The following PRKN variants were observed in gnomAD, a reference collection of about 807,000 sequenced individuals.
PRKN encodes the protein parkin RBR E3 ubiquitin protein ligase, also known as E3 ubiquitin-protein ligase parkin.
Under a neutral mutation model 59.5 loss-of-function variants are expected in PRKN, and 56 were observed. The ratio of observed to expected loss-of-function variants is 0.94; its 90% CI spans 0.76 to 1.18. PRKN has a LOEUF of 1.18. Among genes scored for constraint, PRKN ranks in the 50% most tolerant of loss-of-function variants. The probability of loss-of-function intolerance (pLI) is 0.00; values close to 1 mark genes in which losing one functional copy is unlikely to be tolerated. For synonymous variants in PRKN, 250 were observed against 222.1 expected (o/e 1.13, Z -1.12); for missense variants, 657 against 596.4 (o/e 1.10, Z -1.06).
At chr6:161,739,283 A>G (rs1244142971) in intron 7 of PRKN, among the ~76,000 whole-genome samples, 1 of 152,092 alleles carries the variant, frequency 6.6e-6, no homozygotes, top group Non-Finnish European at 1.5e-5. Context: ...TGGCGTATGC[A>G]TGTAATCCCA....
chr6:161,851,948 G>A (rs1284247823), intron 6 of PRKN, among the ~76,000 whole-genome samples: 3 of 151,654 alleles, frequency 2.0e-5, no homozygotes, highest in African/African-American at 4.8e-5. Flanking sequence ...TTAGCCGGGC[G>A]TGGTAGCACA....
At chr6:162,409,403 A>G (rs547160419) in intron 2 of PRKN, among the ~76,000 whole-genome samples, 15 of 152,054 alleles carry the variant, frequency 9.9e-5, no homozygotes, top group African/African-American at 3.4e-4. Flanking sequence ...GTGATCATCC[A>G]GCCTTGGCCT....
Position 161,858,858 on chromosome 6 carries a change from C to T in PRKN, c.735-72950G>A, listed in dbSNP as rs372203000. 3.5e-3 allele frequency among the ~76,000 whole-genome samples: 254 copies of T among 71,886 alleles called. 1 individual carries two copies. The highest frequency in any genetic ancestry group is 5.0e-3 in the South Asian group (8 of 1,586). 47.2% of individuals were successfully genotyped at this position (71,886 alleles called of 152,430 possible). ...CTTTCAATTAACTAGCACAGCTGTA[C>T]TTTTTTTTTTTTTTTTTTTTGAGAC... On this transcript the variant is annotated intron_variant, in intron 6 of 11. Transcript: ENST00000366898.
rs879558134 is a variant in PRKN at position 161,503,373 on chromosome 6, T to C, written c.1083+45481A>G. On this transcript the variant is annotated intron_variant, in intron 9 of 11. Transcript: ENST00000366898. The surrounding 1 kb of genome is among the most constrained non-coding windows in gnomAD (Gnocchi z 5.1). ...ATGAACTTCTGTTTGCTGCACACTG[T>C]GCTCTTTCTGTGGGTTATTCAGGTC... is the stretch of plus-strand genomic sequence containing the variant. Among the ~76,000 whole-genome samples the C allele has an allele frequency of 5.9e-5, 9 of 152,206 alleles. No individual in the cohort carries two copies. The highest frequency in any genetic ancestry group is 1.2e-4 in the Non-Finnish European group (8 of 68,034).
At chr6:161,659,764 A>C (rs1008850561) in intron 7 of PRKN, among the ~76,000 whole-genome samples, 1 of 152,114 alleles carries the variant, frequency 6.6e-6, no homozygotes, top group African/African-American at 2.4e-5. Context: ...GATCTTGGCA[A>C]GTTATGAATG....
chr6:162,411,678 T>C (rs951932546), intron 2 of PRKN, among the ~76,000 whole-genome samples: 1 of 152,182 alleles, frequency 6.6e-6, no homozygotes, highest in Admixed American at 6.5e-5. Context: ...AGGTTTTTCT[T>C]TGAATATAGT....
In PRKN at chr6:161,363,116, C is replaced by A. The variant is rs998002323; in HGVS notation, c.1168-2911G>T. 2.0e-5 allele frequency among the ~76,000 whole-genome samples: 3 copies of A among 152,132 alleles called. No individual in the cohort carries two copies. Among genetic ancestry groups the A allele is most frequent in the Non-Finnish European group, 2.9e-5 (2 of 68,028 alleles). On this transcript the variant is annotated intron_variant, in intron 10 of 11. Transcript: ENST00000366898. The surrounding 1 kb of genome is among the most constrained non-coding windows in gnomAD (Gnocchi z 4.1). Reference sequence around the variant, plus strand: ...GATTAGCCAAGCGTGGTGGTGTGCACCTGTAGTCCCAGGTACTTGGGAGGC... The same window carrying A: ...GATTAGCCAAGCGTGGTGGTGTGCAACTGTAGTCCCAGGTACTTGGGAGGC...
chr6:162,694,075 G>C (rs908035605), intron 1 of PRKN, among the ~76,000 whole-genome samples: 1 of 151,874 alleles, frequency 6.6e-6, no homozygotes, highest in Non-Finnish European at 1.5e-5. Flanking sequence ...GTGAAACCCC[G>C]TATCTACTAA....
intron 2 of PRKN, among the ~76,000 whole-genome samples, chr6:162,428,456 G>A (rs1200126490): frequency 6.6e-6 from 1 of 152,104 alleles, no homozygotes; most frequent in African/African-American, 2.4e-5. Flanking sequence ...ACTGGAGATC[G>A]CCACCTAAAA....
At chr6:161,926,001 A>C (rs927082039) in intron 6 of PRKN, among the ~76,000 whole-genome samples, 1 of 152,202 alleles carries the variant, frequency 6.6e-6, no homozygotes, top group Non-Finnish European at 1.5e-5. Context: ...GAGCTGAGAG[A>C]GGTCAAATAG....
chr6:162,065,091 A>C (rs917824385), intron 4 of PRKN, among the ~76,000 whole-genome samples: 1 of 152,232 alleles, frequency 6.6e-6, no homozygotes, highest in African/African-American at 2.4e-5. Flanking sequence ...AAGGGAGTTT[A>C]TTAGGGAGAA....
chr6:161,646,714 T>C (rs1453529542), intron 7 of PRKN, among the ~76,000 whole-genome samples: 2 of 152,174 alleles, frequency 1.3e-5, no homozygotes, highest in Admixed American at 6.5e-5. Context: ...TCCTAAGCCA[T>C]GGATGCATTT....
intron 6 of PRKN, among the ~76,000 whole-genome samples, chr6:161,917,511 A>C (rs977692274): frequency 1.1e-4 from 16 of 152,170 alleles, no homozygotes; most frequent in Non-Finnish European, 2.1e-4. Context: ...TATTTGTGGT[A>C]GTAATAAGGT....
chr6:162,711,527 A>C (rs543236988), intron 1 of PRKN, among the ~76,000 whole-genome samples: 36 of 152,014 alleles, frequency 2.4e-4, no homozygotes, highest in African/African-American at 8.2e-4. Flanking sequence ...CCTTCCCCTC[A>C]GACCTGTGCA....
intron 1 of PRKN, among the ~76,000 whole-genome samples, chr6:162,610,014 C>A (rs549942825): frequency 2.0e-5 from 3 of 152,236 alleles, no homozygotes; most frequent in East Asian, 3.9e-4. Flanking sequence ...AAAATTCTTA[C>A]CATTTCATGT....
At chr6:161,668,947 T>C (rs1276168144) in intron 7 of PRKN, among the ~76,000 whole-genome samples, 1 of 152,178 alleles carries the variant, frequency 6.6e-6, no homozygotes, top group Non-Finnish European at 1.5e-5. Context: ...ATGGTCTGCA[T>C]GTTTGTGACC....
chr6:161,379,208 T>C lies in PRKN; in HGVS notation c.1167+7586A>G, dbSNP rs140667123. On this transcript the variant is annotated intron_variant, in intron 10 of 11. Coordinates refer to ENST00000366898, the MANE Select transcript of PRKN (RefSeq NM_004562.3). The surrounding 1 kb of genome is among the most constrained non-coding windows in gnomAD (Gnocchi z 4.9). ...ATGTTGATAGCAAATCATTCAGTAGTCATGGCTTTAGAATGGCACCCAGGA... is the reference window on the plus strand; with the variant it reads ...ATGTTGATAGCAAATCATTCAGTAGCCATGGCTTTAGAATGGCACCCAGGA... Among the ~76,000 whole-genome samples, 4 of 152,170 alleles carry C rather than the reference T, an allele frequency of 2.6e-5. No individual in the cohort carries two copies. In the East Asian group the frequency reaches 7.7e-4, roughly 29 times the overall value.
chr6:162,601,773 A>G (rs10945851), intron 1 of PRKN, among the ~76,000 whole-genome samples: 46,734 of 151,996 alleles, frequency 0.31, 7,622 homozygotes, highest in East Asian at 0.49. Flanking sequence ...CTCAGAAAAT[A>G]TTAATAAGAC....
intron 3 of PRKN, among the ~76,000 whole-genome samples, chr6:162,219,849 T>C (rs924215026): frequency 6.6e-6 from 1 of 152,156 alleles, no homozygotes; most frequent in Non-Finnish European, 1.5e-5. Flanking sequence ...AAAATACCCT[T>C]GCCAGGCATG....
Sources: gnomAD v4.1 joint callset for allele counts (sites outside exome capture counted in the v4.1 genomes callset) on GRCh38, gnomAD v4.1.1 for gene constraint, Gnocchi (gnomAD v3.1) non-coding constraint, MANE v1.5 for transcripts, NCBI Gene and HGNC (gene_info 2026-07-23, HGNC 2026-07-21) for gene names.